ZNF221: variants seen among roughly 807,000 people sequenced by gnomAD.
The protein encoded by ZNF221 is zinc finger protein 221.
Under a neutral mutation model 12.6 loss-of-function variants are expected in ZNF221, and 10 were observed. The ratio of observed to expected loss-of-function variants is 0.79; its 90% CI spans 0.49 to 1.34. The LOEUF (loss-of-function observed/expected upper bound fraction) is 1.34, where lower values mean the gene tolerates loss of function less well. Among genes scored for constraint, ZNF221 ranks in the 40% most tolerant of loss-of-function variants. The probability of loss-of-function intolerance (pLI) is 0.00; values close to 1 mark genes in which losing one functional copy is unlikely to be tolerated. For missense variants in ZNF221, 661 were observed against 721.4 expected (o/e 0.92, Z 0.96); for synonymous variants, 232 against 244.0 (o/e 0.95, Z 0.46).
intron 1 of ZNF221, among the ~76,000 whole-genome samples, chr19:43,960,609 G>T (rs1234774071): frequency 6.6e-6 from 1 of 152,172 alleles, no homozygotes; most frequent in Non-Finnish European, 1.5e-5. Flanking sequence ...GGTTCCAAGG[G>T]CCAGGCCCAG....
At chr19:43,962,981 G>C (rs1974872680) in intron 2 of ZNF221, among the ~76,000 whole-genome samples, 174 bp downstream of exon 2, 1 of 152,112 alleles carries the variant, frequency 6.6e-6, no homozygotes. Context: ...TTTAGTTCTT[G>C]TTTTCTTACA....
At chr19:43,964,824 T>G in intron 2 of ZNF221, 126 bp from the exon 3 acceptor site, 7 of 1,270,206 alleles carry the variant, frequency 5.5e-6, no homozygotes, top group Non-Finnish European at 5.6e-6. Flanking sequence ...GAAATCTGTA[T>G]GTTGACCTAC....
chr19:43,973,651 A>G, the ZNF221 span, among the ~76,000 whole-genome samples: 1 of 152,232 alleles, frequency 6.6e-6, no homozygotes, highest in Non-Finnish European at 1.5e-5. Flanking sequence ...CCCATTCACA[A>G]TTGCTACAGA....
chr19:43,957,463 A>ATG (rs1974775940), intron 1 of ZNF221, among the ~76,000 whole-genome samples: 1 of 152,200 alleles, frequency 6.6e-6, no homozygotes, highest in African/African-American at 2.4e-5. Flanking sequence ...ATGAGCCACC[A>ATG]TAACCCGCCT....
At position 43,966,785 on chromosome 19, in the gene ZNF221, G is replaced by C. The variant is rs78179759; in HGVS notation, c.1283G>C (p.Gly428Ala). Residue 428 changes from glycine (G) to alanine (A), a missense_variant, in exon 5 of 5, where the codon GGG becomes GCG. Physicochemically the swap from Gly to Ala is moderately conservative, Grantham distance 60. Coordinates refer to ENST00000587682, the MANE Select transcript of ZNF221 (RefSeq NM_001297588.2). Reference protein sequence around the residue: ...GQKSFKCEECGKGFYTNSRRS... With the variant: ...GQKSFKCEECAKGFYTNSRRS... ...AAATCCTTCAAATGTGAAGAATGTGGGAAGGGATTTTATACAAATTCACGA... is the reference window on the plus strand; with the variant it reads ...AAATCCTTCAAATGTGAAGAATGTGCGAAGGGATTTTATACAAATTCACGA... 2.8e-4 allele frequency: 448 copies of C among 1,614,166 alleles called. 1 individual carries two copies. In the African/African-American group the frequency reaches 5.4e-3, roughly 20 times the overall value.
downstream of ZNF221, among the ~76,000 whole-genome samples, chr19:43,970,031 C>T (rs926237798): frequency 1.3e-5 from 2 of 152,166 alleles, no homozygotes; most frequent in African/African-American, 4.8e-5. Context: ...TGGTCAGTAT[C>T]CCCCTGGGAC....
chr19:43,974,249 T>A, the ZNF221 span, among the ~76,000 whole-genome samples: 1 of 151,554 alleles, frequency 6.6e-6, no homozygotes, highest in Non-Finnish European at 1.5e-5. Context: ...ATACAAAAAT[T>A]AAGATGGATT....
At chr19:43,951,849 C>CTTTTTTTTTTTTTTTTTTTTTTTTTT (rs758081943) in intron 1 of ZNF221, among the ~76,000 whole-genome samples, 1 of 62,552 alleles carries the variant, frequency 1.6e-5, no homozygotes, top group African/African-American at 6.6e-5. Flanking sequence ...TCTTTGACCT[C>CTTTTTTTTTTTTTTTTTTTTTTTTTT]TTTTTTTTTT....
the ZNF221 span, chr19:43,977,584 C>G: frequency 7.9e-5 from 12 of 152,262 alleles, no homozygotes; most frequent in Non-Finnish European, 1.2e-4. Context: ...GTTAAAAAAA[C>G]AGATTCTTTG....
At chr19:43,978,387 G>A in the ZNF221 span, 1 of 151,976 alleles carries the variant, frequency 6.6e-6, no homozygotes, top group African/African-American at 2.4e-5. Flanking sequence ...AGAAAAGTAG[G>A]GCCTGCAGTC....
At chr19:43,979,507 GATA>G in the ZNF221 span, among the ~76,000 whole-genome samples, 1 of 151,910 alleles carries the variant, frequency 6.6e-6, no homozygotes, top group Non-Finnish European at 1.5e-5. Flanking sequence ...TATTATGTGA[GATA>G]ATGTCAGTGG....
At chr19:43,961,615 CT>C (rs201248868) in intron 1 of ZNF221, among the ~76,000 whole-genome samples, 3,096 of 152,172 alleles carry the variant, frequency 0.02, 110 homozygotes, top group African/African-American at 0.072. Context: ...ATTTGTTGTG[CT>C]TTTTAAAGTT....
chr19:43,965,423 C>A (rs1445868337), intron 4 of ZNF221, 98 bp downstream of exon 4: 5 of 1,096,302 alleles, frequency 4.6e-6, no homozygotes, highest in Non-Finnish European at 6.4e-6. Context: ...AATTGCCAAA[C>A]TTCTTTCATA....
intron 1 of ZNF221, among the ~76,000 whole-genome samples, chr19:43,952,100 C>T (rs1974682506): frequency 2.0e-5 from 3 of 151,614 alleles, no homozygotes; most frequent in Admixed American, 2.0e-4. Context: ...GTCTCGATCT[C>T]CTGACCTCGT....
chr19:43,957,608 C>T (rs1374612108), intron 1 of ZNF221, among the ~76,000 whole-genome samples: 3 of 152,304 alleles, frequency 2.0e-5, no homozygotes, highest in African/African-American at 7.2e-5. Flanking sequence ...CTTAGTTTCA[C>T]CTTTATCATT....
intron 1 of ZNF221, among the ~76,000 whole-genome samples, chr19:43,960,557 A>G (rs1974826836): frequency 6.6e-6 from 1 of 152,236 alleles, no homozygotes; most frequent in African/African-American, 2.4e-5. Flanking sequence ...TCTTCAGGAA[A>G]GTCCCTCCCA....
chr19:43,971,078 C>T (rs1975087958), downstream of ZNF221, among the ~76,000 whole-genome samples: 1 of 152,162 alleles, frequency 6.6e-6, no homozygotes, highest in Non-Finnish European at 1.5e-5. Context: ...TCAGTGGAAA[C>T]CCTACAAGCC....
the ZNF221 span, among the ~76,000 whole-genome samples, chr19:43,978,964 C>T: frequency 7.2e-6 from 1 of 139,240 alleles, no homozygotes; most frequent in Non-Finnish European, 1.5e-5. Context: ...TTTTGATACA[C>T]TATGACAATA....
the ZNF221 span, among the ~76,000 whole-genome samples, chr19:43,981,213 A>G: frequency 6.6e-6 from 1 of 152,252 alleles, no homozygotes; most frequent in African/African-American, 2.4e-5. Flanking sequence ...AAAACAAGAA[A>G]TATAAATTAA....
Sources: allele counts gnomAD v4.1 joint callset (sites outside exome capture counted in the v4.1 genomes callset), GRCh38; gene constraint gnomAD v4.1.1; transcripts MANE v1.5; gene names NCBI Gene and HGNC (gene_info 2026-07-23, HGNC 2026-07-21).